The following TMEM25 variants were observed in gnomAD, a reference collection of about 807,000 sequenced individuals.
TMEM25 encodes 0610039J01Rik.
TMEM25 carries 36 observed loss-of-function variants against 37.0 expected under a neutral mutation model. That is an observed-to-expected ratio of 0.97 (90% CI 0.75 to 1.28). The LOEUF (loss-of-function observed/expected upper bound fraction) is 1.28, where lower values mean the gene tolerates loss of function less well. TMEM25 is among the 50% of genes most tolerant of loss of function. The pLI is 0.00. For synonymous variants in TMEM25, 197 were observed against 203.7 expected (o/e 0.97, Z 0.28); for missense variants, 444 against 477.9 (o/e 0.93, Z 0.66).
chr11:118,545,689 G>A (rs1314964520), intron 8 of TMEM25: 4 of 1,325,090 alleles, frequency 3.0e-6, no homozygotes, highest in African/African-American at 2.9e-5. Flanking sequence ...TTAAAGTGAA[G>A]GCTGAAACTC....
At chr11:118,541,629 T>C (rs1322936759) in intron 8 of TMEM25, among the ~76,000 whole-genome samples, 2 of 152,074 alleles carry the variant, frequency 1.3e-5, no homozygotes, top group East Asian at 3.9e-4. Context: ...ATGTGCAGGA[T>C]TGTTACCTGG....
At chr11:118,531,682 A>G in intron 1 of TMEM25, 93 bp from the exon 2 acceptor site, 7 of 1,004,626 alleles carry the variant, frequency 7.0e-6, no homozygotes, top group Non-Finnish European at 1.0e-5. Flanking sequence ...GTTTCCGTAC[A>G]TGGTTCTTTT....
intron 5 of TMEM25, 102 bp from the exon 6 acceptor site, chr11:118,533,755 T>G: frequency 6.3e-7 from 1 of 1,590,344 alleles, no homozygotes; most frequent in Non-Finnish European, 8.6e-7. Flanking sequence ...GGCCTGGGCA[T>G]TTGAGAGACC....
chr11:118,545,629 T>TCATATAAGCCAAACC lies in TMEM25; in HGVS notation c.1028-488_1028-487insTATAAGCCAAACCCA, dbSNP rs1951662108. On this transcript the variant is annotated intron_variant, in intron 8 of 8. Transcript: ENST00000354284. The stretch of plus-strand genomic sequence containing the variant: ...TGGGGGTTAAATACCCAGCAGGTAG[T>TCATATAAGCCAAACC]CACATAAGCCAAACACCACCTTTGA... 3 of 1,061,916 alleles carry TCATATAAGCCAAACC rather than the reference T, an allele frequency of 2.8e-6. No individual in the cohort carries two copies. In the South Asian group the frequency reaches 4.1e-5, roughly 15 times the overall value. The allele number at this position is 1,061,916 out of a possible 1,614,324, so 65.8% of individuals were successfully genotyped here. A position where few individuals can be genotyped will look rare whatever the true frequency, so the allele number is the denominator to read the frequency against.
chr11:118,534,004 A>G lies in TMEM25; in HGVS notation c.837-25A>G, dbSNP rs782236808. On this transcript the variant is annotated intron_variant, in intron 6 of 8. Transcript: ENST00000313236. This position sits in a 1 kb window ranked among gnomAD's most constrained non-coding sequence, Gnocchi z 4.6. ...AGTGCCTGTGCCGGGACTCATATCCATCCCGAACTTTGTCCTCCCTGTAGT... is the reference window on the plus strand; with the variant it reads ...AGTGCCTGTGCCGGGACTCATATCCGTCCCGAACTTTGTCCTCCCTGTAGT... 37 of 1,613,718 alleles carry G rather than the reference A, an allele frequency of 2.3e-5. No homozygotes were observed. In the Middle Eastern group the frequency reaches 4.9e-4, roughly 22 times the overall value.
rs1026213537 is a variant in TMEM25 at position 118,535,441 on chromosome 11, C to A, written c.*861C>A. ...CCCAGAGCCCTCTTTGTGGCTTCCCCACGTTTGGCCTTCTGGGATTCACTG... is the reference window on the plus strand; with the variant it reads ...CCCAGAGCCCTCTTTGTGGCTTCCCAACGTTTGGCCTTCTGGGATTCACTG... On this transcript the variant is annotated 3_prime_UTR_variant, in exon 9 of 9. Transcript: ENST00000313236. The A allele has an allele frequency of 6.8e-6, 10 of 1,478,454 alleles. No individual in the cohort carries two copies. The East Asian group carries it at 2.3e-4, about 34-fold the overall frequency. 91.6% of individuals were successfully genotyped at this position (1,478,454 alleles called of 1,614,324 possible). A position where few individuals can be genotyped will look rare whatever the true frequency, so the allele number is the denominator to read the frequency against.
intron 8 of TMEM25, chr11:118,544,767 C>T: frequency 1.6e-6 from 1 of 628,404 alleles, no homozygotes; most frequent in Non-Finnish European, 2.9e-6. Flanking sequence ...ATGTTCTGTG[C>T]CCTCTGGCAG....
intron 8 of TMEM25, among the ~76,000 whole-genome samples, chr11:118,542,982 C>T (rs1053171573): frequency 4.3e-4 from 66 of 152,298 alleles, no homozygotes; most frequent in African/African-American, 1.5e-3. Flanking sequence ...TGGCTCATGC[C>T]TGTAATCCCA....
At position 118,535,613 on chromosome 11, in the gene TMEM25, CAGTGTGGA is replaced by C. The variant is rs45576832; in HGVS notation, c.*1036_*1043del. On this transcript the variant is annotated 3_prime_UTR_variant, in exon 9 of 9. Coordinates refer to ENST00000313236, the MANE Select transcript of TMEM25 (RefSeq NM_032780.4). ...TGGTCGCCACAGGCACATAATTCAA[CAGTGTGGA>C]AGCTTTAGGGGAACATGGAGAAAGA... 230,219 of 1,534,394 alleles carry C rather than the reference CAGTGTGGA, an allele frequency of 0.15. 21,628 individuals are homozygous for C. The highest frequency in any genetic ancestry group is 0.47 in the East Asian group (19,042 of 40,728).
downstream of TMEM25, among the ~76,000 whole-genome samples, chr11:118,540,659 C>T (rs941468349): frequency 5.9e-5 from 9 of 152,240 alleles, no homozygotes; most frequent in East Asian, 1.9e-4. Context: ...ATTCTCGATA[C>T]ACATCCCTTA....
In TMEM25 at chr11:118,534,121, A is replaced by G; in HGVS notation, c.929A>G (p.Asp310Gly). ...SNLQLNDLTP[D>G]SRAVKPADRQ... ...CTTCAGCTCAATGACCTCACTCCAG[A>G]TTCCAGAGGTATATCTAGGGCCCTG... The change falls in exon 7 of 9, where the codon GAT becomes GGT. Residue 310 changes from aspartate to glycine, a missense_variant. Coordinates refer to ENST00000313236, the MANE Select transcript of TMEM25 (RefSeq NM_032780.4). This position sits in a 1 kb window ranked among gnomAD's most constrained non-coding sequence, Gnocchi z 4.6. 6.2e-7 allele frequency: 1 copy of G among 1,614,092 alleles called. No individual in the cohort carries two copies. Among genetic ancestry groups the G allele is most frequent in the East Asian group, 2.2e-5 (1 of 44,884 alleles).
chr11:118,540,015 C>T (rs1397076608), downstream of TMEM25, among the ~76,000 whole-genome samples: 14 of 121,702 alleles, frequency 1.2e-4, no homozygotes, highest in East Asian at 2.4e-3. Flanking sequence ...AGCAAGACTC[C>T]GTCTCAAAAA....
rs781992392 is a variant in TMEM25 at position 118,534,278 on chromosome 11, C to CAGTG, written c.952_953insTGAG (p.Asp318ValfsTer46). On this transcript the variant is annotated frameshift_variant, in exon 8 of 9. Transcript: ENST00000313236. LOFTEE classifies it high-confidence loss of function. The surrounding 1 kb of genome is among the most constrained non-coding windows in gnomAD (Gnocchi z 4.6). ...CTTTGTCAACCAGCAGTGAAACCAGCAGACCGGCAGATGGCTCAGAACAAC... is the reference window on the plus strand; with the variant it reads ...CTTTGTCAACCAGCAGTGAAACCAGCAGTGAGACCGGCAGATGGCTCAGAACAAC... The CAGTG allele has an allele frequency of 6.2e-7, 1 of 1,614,224 alleles. No homozygotes were observed. The highest frequency in any genetic ancestry group is 8.5e-7 in the Non-Finnish European group (1 of 1,180,034).
downstream of TMEM25, among the ~76,000 whole-genome samples, chr11:118,539,336 T>TC (rs1432926007): frequency 6.6e-6 from 1 of 151,860 alleles, no homozygotes; most frequent in East Asian, 1.9e-4. Context: ...CCCAGCTAAT[T>TC]TTTGTATTTT....
Position 118,542,660 on chromosome 11 carries a change from C to T in TMEM25, c.1028-3459C>T, listed in dbSNP as rs911705891. Among the ~76,000 whole-genome samples, 23 of 152,294 alleles carry T rather than the reference C, an allele frequency of 1.5e-4. No individual in the cohort carries two copies. The South Asian group carries it at 1.7e-3, about 11-fold the overall frequency. ...GGGCACAGTGGCTTACTCCTATAATCCCAGCACTTTGGGAGGCCAAGGCAG... is the reference window on the plus strand; with the variant it reads ...GGGCACAGTGGCTTACTCCTATAATTCCAGCACTTTGGGAGGCCAAGGCAG... On this transcript the variant is annotated intron_variant, in intron 8 of 8. Coordinates refer to the TMEM25 transcript ENST00000354284.
intron 8 of TMEM25, chr11:118,545,964 T>C (rs1555067041): frequency 2.3e-6 from 2 of 875,680 alleles, no homozygotes; most frequent in Non-Finnish European, 3.9e-6. Context: ...GGTTATGGGC[T>C]GAAATGTGTT....
At chr11:118,537,450 G>C (rs1339490845), downstream of TMEM25, among the ~76,000 whole-genome samples, 4 of 152,134 alleles carry the variant, frequency 2.6e-5, no homozygotes, top group Non-Finnish European at 5.9e-5. Context: ...CATTACCCAA[G>C]TACAATACAC....
rs782384739 is a variant in TMEM25, at chr11:118,534,253, C to G, written c.938-13C>G. The G allele has an allele frequency of 1.9e-6, 3 of 1,614,116 alleles. No individual in the cohort carries two copies. The African/African-American group carries it at 4.0e-5, about 22-fold the overall frequency. ...CACTCCTCGTCCTGAACACTGCCCT[C>G]TTTGTCAACCAGCAGTGAAACCAGC... On this transcript the variant is annotated splice_polypyrimidine_tract_variant and intron_variant, in intron 7 of 8. Transcript: ENST00000313236. This position sits in a 1 kb window ranked among gnomAD's most constrained non-coding sequence, Gnocchi z 4.6.
intron 5 of TMEM25, 58 bp downstream of exon 5, chr11:118,533,609 C>A (rs781848114): frequency 6.2e-7 from 1 of 1,610,796 alleles, no homozygotes; most frequent in Non-Finnish European, 8.5e-7. Context: ...GCAGCCAAGA[C>A]AGCAAGTGCA....
Sources: allele counts gnomAD v4.1 joint callset (sites outside exome capture counted in the v4.1 genomes callset), GRCh38; gene constraint gnomAD v4.1.1; non-coding constraint Gnocchi (gnomAD v3.1); transcripts MANE v1.5; gene names NCBI Gene and HGNC (gene_info 2026-07-23, HGNC 2026-07-21).